The following TMTC2 variants were observed in gnomAD, a reference collection of about 807,000 sequenced individuals.
TMTC2 encodes the protein transmembrane O-mannosyltransferase targeting cadherins 2.
A neutral mutation model predicts 82.4 loss-of-function variants in TMTC2; 43 were observed. That is an observed-to-expected ratio of 0.52 (90% CI 0.41 to 0.67). The LOEUF is 0.67. Among genes scored for constraint, TMTC2 ranks in the 30% least tolerant of loss-of-function variants. The pLI is 0.00. For missense variants in TMTC2, 919 were observed against 1,012.4 expected (o/e 0.91, Z 1.25); for synonymous variants, 408 against 381.9 (o/e 1.07, Z -0.80).
chr12:82,952,380 T>C (rs1877394131), intron 4 of TMTC2, among the ~76,000 whole-genome samples: 1 of 152,214 alleles, frequency 6.6e-6, no homozygotes, highest in Non-Finnish European at 1.5e-5. Flanking sequence ...AGTTGTCTAA[T>C]CTGGTTATCA....
intron 1 of TMTC2, among the ~76,000 whole-genome samples, chr12:82,739,311 A>G (rs11115373): frequency 0.083 from 12,564 of 152,218 alleles, 597 homozygotes; most frequent in South Asian, 0.13. Context: ...TCTAACCTGT[A>G]TAAGAGCTCA....
At chr12:82,931,556 T>A (rs975930378) in intron 4 of TMTC2, among the ~76,000 whole-genome samples, 4 of 152,218 alleles carry the variant, frequency 2.6e-5, no homozygotes, top group Non-Finnish European at 4.4e-5. Context: ...AAATCCAGTT[T>A]AAGCTTGCTT....
chr12:82,761,455 G>A (rs532487919), intron 1 of TMTC2, among the ~76,000 whole-genome samples: 2 of 152,162 alleles, frequency 1.3e-5, no homozygotes, highest in Non-Finnish European at 1.5e-5. Context: ...ATTCACACCC[G>A]TGGCCATCCA....
chr12:82,980,752 C>T (rs556888123), intron 7 of TMTC2, among the ~76,000 whole-genome samples: 15 of 151,808 alleles, frequency 9.9e-5, no homozygotes, highest in African/African-American at 2.9e-4. Flanking sequence ...ATTTGTTGTC[C>T]GCATGTCAGT....
chr12:82,768,433 C>G (rs1877099382), intron 1 of TMTC2, among the ~76,000 whole-genome samples: 2 of 152,210 alleles, frequency 1.3e-5, no homozygotes, highest in African/African-American at 4.8e-5. Flanking sequence ...GTTGGGCCTT[C>G]TAGCACAGCT....
chr12:82,785,940 C>G (rs1209733952), intron 1 of TMTC2, among the ~76,000 whole-genome samples: 1 of 152,098 alleles, frequency 6.6e-6, no homozygotes, highest in Non-Finnish European at 1.5e-5. Context: ...CTAAGTGTGG[C>G]AAGACTACTT....
At chr12:82,775,856 C>T (rs938784844) in intron 1 of TMTC2, among the ~76,000 whole-genome samples, 1 of 151,878 alleles carries the variant, frequency 6.6e-6, no homozygotes, top group Non-Finnish European at 1.5e-5. Flanking sequence ...TTTTATGCTT[C>T]GTTTGATTTT....
chr12:83,122,602 G>A (rs568058585), intron 11 of TMTC2, among the ~76,000 whole-genome samples: 1 of 152,174 alleles, frequency 6.6e-6, no homozygotes, highest in Non-Finnish European at 1.5e-5. Context: ...TTTCGCCAGT[G>A]GGGGTGTGTG....
intron 7 of TMTC2, among the ~76,000 whole-genome samples, chr12:82,974,116 C>G (rs11115503): frequency 1.3e-5 from 2 of 152,098 alleles, no homozygotes; most frequent in Non-Finnish European, 2.9e-5. Flanking sequence ...TGCCTGTAAT[C>G]CCAGCACCAT....
intron 3 of TMTC2, among the ~76,000 whole-genome samples, chr12:82,928,037 G>A (rs1027241588): frequency 6.6e-6 from 1 of 152,014 alleles, no homozygotes; most frequent in Non-Finnish European, 1.5e-5. Context: ...TATGTCTGTT[G>A]CCAACAAGAG....
At chr12:83,112,968 G>A (rs533498057) in intron 11 of TMTC2, among the ~76,000 whole-genome samples, 3 of 152,294 alleles carry the variant, frequency 2.0e-5, no homozygotes, top group South Asian at 4.1e-4. Flanking sequence ...AGAAATCAGA[G>A]TGGCATCTGA....
chr12:82,802,193 A>C (rs951887747), intron 1 of TMTC2, among the ~76,000 whole-genome samples: 1 of 152,100 alleles, frequency 6.6e-6, no homozygotes, highest in Non-Finnish European at 1.5e-5. Flanking sequence ...CCCGTGAGAA[A>C]TCAAGAACAG....
intron 7 of TMTC2, among the ~76,000 whole-genome samples, chr12:82,974,559 C>A (rs1344789678): frequency 6.6e-6 from 1 of 152,076 alleles, no homozygotes; most frequent in Non-Finnish European, 1.5e-5. Context: ...GAATAGGCAA[C>A]TGTAGGGGTA....
At chr12:82,993,202 C>G (rs2137351783) in intron 8 of TMTC2, among the ~76,000 whole-genome samples, 1 of 152,190 alleles carries the variant, frequency 6.6e-6, no homozygotes. Context: ...CCAGGCTGGT[C>G]TCGAACTCCT....
chr12:82,864,675 GTATTT>G (rs1272332284), intron 2 of TMTC2, among the ~76,000 whole-genome samples: 1 of 150,806 alleles, frequency 6.6e-6, no homozygotes, highest in East Asian at 2.0e-4. Context: ...CTAATTTTTT[GTATTT>G]TTAGTAGAGA....
chr12:83,109,433 C>G (rs150091843), intron 11 of TMTC2, among the ~76,000 whole-genome samples: 150 of 152,296 alleles, frequency 9.8e-4, no homozygotes, highest in African/African-American at 3.4e-3. Flanking sequence ...GGTAGGAACA[C>G]AGATCCAAAC....
intron 3 of TMTC2, among the ~76,000 whole-genome samples, chr12:82,907,879 C>T (rs554988934): frequency 6.6e-6 from 1 of 152,092 alleles, no homozygotes; most frequent in African/African-American, 2.4e-5. Context: ...TCTAGGAGGC[C>T]GAGGTGGGCA....
At position 82,847,975 on chromosome 12, in the gene TMTC2, A is replaced by C. The variant is rs1870780744; in HGVS notation, c.84-9035A>C. ...ATTTTAAAAAAGAATTTAGTTTATT[A>C]GATACATATTGAGTACTATGTATGT... is the stretch of plus-strand genomic sequence containing the variant. On this transcript the variant is annotated intron_variant, in intron 1 of 11. Coordinates refer to ENST00000321196, the MANE Select transcript of TMTC2 (RefSeq NM_152588.3). Among the ~76,000 whole-genome samples, 3 of 152,292 alleles carry C rather than the reference A, an allele frequency of 2.0e-5. No individual in the cohort carries two copies. In the South Asian group the frequency reaches 6.2e-4, roughly 32 times the overall value.
chr12:82,752,530 C>T (rs1172160591), intron 1 of TMTC2, among the ~76,000 whole-genome samples: 2 of 151,892 alleles, frequency 1.3e-5, no homozygotes, highest in African/African-American at 2.4e-5. Flanking sequence ...GCTGGAGTTA[C>T]CCTGAGTGAC....
Sources: gnomAD v4.1 joint callset for allele counts (sites outside exome capture counted in the v4.1 genomes callset) on GRCh38, gnomAD v4.1.1 for gene constraint, MANE v1.5 for transcripts, NCBI Gene and HGNC (gene_info 2026-07-23, HGNC 2026-07-21) for gene names.